ZNF805: variants seen among roughly 807,000 people sequenced by gnomAD.
ZNF805 encodes the protein zinc finger protein 805, also known as CTC-444N24.8.
Under a neutral mutation model 13.6 loss-of-function variants are expected in ZNF805, and 7 were observed. The observed-to-expected ratio is 0.51, with a 90% CI of 0.29 to 0.97. ZNF805 has a LOEUF of 0.97. Among genes scored for constraint, ZNF805 ranks in the 50% least tolerant of loss-of-function variants. ZNF805 has a pLI of 0.08. For missense variants in ZNF805, 604 were observed against 771.0 expected (o/e 0.78, Z 2.57); for synonymous variants, 293 against 279.8 (o/e 1.05, Z -0.47).
rs552040449 is a variant in ZNF805 at position 57,260,436 on chromosome 19, C to G, written c.*5733C>G. ...CCCAGATACTACTAAATGGCTTCCA[C>G]CACCGTTGCCTGACTTAAGCACGTC... On this transcript the variant is annotated 3_prime_UTR_variant, in exon 4 of 4. Coordinates refer to ENST00000414468, the MANE Select transcript of ZNF805 (RefSeq NM_001023563.4). Among the ~76,000 whole-genome samples, 1 of 152,286 alleles carries G rather than the reference C, an allele frequency of 6.6e-6. No individual in the cohort carries two copies. Among genetic ancestry groups the G allele is most frequent in the African/African-American group, 2.4e-5 (1 of 41,548 alleles).
At chr19:57,245,594 AC>A (rs2087610095) in intron 2 of ZNF805, among the ~76,000 whole-genome samples, 2 of 148,240 alleles carry the variant, frequency 1.3e-5, no homozygotes, top group Admixed American at 6.8e-5. Context: ...CCTGGCTAAC[AC>A]GGTGCAACCC....
In ZNF805 at chr19:57,240,884, G is replaced by A; in HGVS notation, c.-8G>A. ...GCCCCCGCCCCGCTAGGGCCACAGG[G>A]TCCCGGTATGGCGATGGCTTTGACG... On this transcript the variant is annotated 5_prime_UTR_variant, in exon 1 of 4. Coordinates refer to ENST00000414468, the MANE Select transcript of ZNF805 (RefSeq NM_001023563.4). The A allele has an allele frequency of 6.4e-7, 1 of 1,553,162 alleles. No homozygotes were observed. The highest frequency in any genetic ancestry group is 8.7e-7 in the Non-Finnish European group (1 of 1,148,114).
intron 2 of ZNF805, among the ~76,000 whole-genome samples, chr19:57,245,561 C>CTTG (rs549596623): frequency 6.6e-6 from 1 of 150,720 alleles, no homozygotes; most frequent in Non-Finnish European, 1.5e-5. Context: ...GGGCGGATCA[C>CTTG]AAGGTCAGGA....
At position 57,257,909 on chromosome 19, in the gene ZNF805, T is replaced by C. The variant is rs909772076; in HGVS notation, c.*3206T>C. Among the ~76,000 whole-genome samples, 1 of 151,826 alleles carries C rather than the reference T, an allele frequency of 6.6e-6. No homozygotes were observed. Among genetic ancestry groups the C allele is most frequent in the Admixed American group, 6.6e-5 (1 of 15,240 alleles). On this transcript the variant is annotated 3_prime_UTR_variant, in exon 4 of 4. Transcript: ENST00000414468. ...TTTTAGTAGAGATGGAGTTTCACCA[T>C]GTTGGCCAGGCTGGTCTCGAACTCC... is the stretch of plus-strand genomic sequence containing the variant.
rs1337878957 is a variant in ZNF805 at position 57,240,656 on chromosome 19, G to C, written c.-236G>C. 3 of 509,348 alleles carry C rather than the reference G, an allele frequency of 5.9e-6. No individual in the cohort carries two copies. The highest frequency in any genetic ancestry group is 7.0e-6 in the Non-Finnish European group (2 of 285,960). The allele number at this position is 509,348 out of a possible 1,614,324, so 31.6% of individuals were successfully genotyped here. A position where few individuals can be genotyped will look rare whatever the true frequency, so the allele number is the denominator to read the frequency against. On this transcript the variant is annotated 5_prime_UTR_variant, in exon 1 of 4. Coordinates refer to ENST00000414468, the MANE Select transcript of ZNF805 (RefSeq NM_001023563.4). ...CGGTTCCGTCCACGCCGGCTCTAGG[G>C]AGGGGGCGGTGTTCCGTGGCCGCCT...
chr19:57,242,636 T>C (rs2087586495), intron 1 of ZNF805, among the ~76,000 whole-genome samples: 1 of 152,180 alleles, frequency 6.6e-6, no homozygotes. Context: ...TAATGGTTCA[T>C]TATGCAATCT....
At chr19:57,249,701 A>C (rs2087640210) in intron 3 of ZNF805, among the ~76,000 whole-genome samples, 1 of 151,478 alleles carries the variant, frequency 6.6e-6, no homozygotes, top group Non-Finnish European at 1.5e-5. Context: ...CCTGAGTGTC[A>C]ATCAGACACT....
In ZNF805 at chr19:57,261,324, G is replaced by C. The variant is rs987328784; in HGVS notation, c.*6621G>C. ...GAATGTCTGGGTTTGAGGATATGTGGGAGGGGTGGGGAGAAGGAGTAGAGA... is the reference window on the plus strand; with the variant it reads ...GAATGTCTGGGTTTGAGGATATGTGCGAGGGGTGGGGAGAAGGAGTAGAGA... On this transcript the variant is annotated 3_prime_UTR_variant, in exon 4 of 4. Coordinates refer to ENST00000414468, the MANE Select transcript of ZNF805 (RefSeq NM_001023563.4). 1 of 167,062 alleles carries C rather than the reference G, an allele frequency of 6.0e-6. No individual in the cohort carries two copies. The highest frequency in any genetic ancestry group is 2.4e-5 in the African/African-American group (1 of 41,426). The allele number at this position is 167,062 out of a possible 1,614,324, so 10.3% of individuals were successfully genotyped here.
At position 57,240,672 on chromosome 19, in the gene ZNF805, G is replaced by A. The variant is rs1568486642; in HGVS notation, c.-220G>A. The A allele has an allele frequency of 1.9e-6, 1 of 518,076 alleles. No individual in the cohort carries two copies. The highest frequency in any genetic ancestry group is 3.3e-5 in the East Asian group (1 of 30,418). The allele number at this position is 518,076 out of a possible 1,614,324, so 32.1% of individuals were successfully genotyped here. A position where few individuals can be genotyped will look rare whatever the true frequency, so the allele number is the denominator to read the frequency against. Reference sequence around the variant, plus strand: ...GGCTCTAGGGAGGGGGCGGTGTTCCGTGGCCGCCTCCCTGGCGGCGCTGGG... The same window carrying A: ...GGCTCTAGGGAGGGGGCGGTGTTCCATGGCCGCCTCCCTGGCGGCGCTGGG... On this transcript the variant is annotated 5_prime_UTR_variant, in exon 1 of 4. It adds an upstream start codon to the 5' untranslated region. Coordinates refer to ENST00000414468, the MANE Select transcript of ZNF805 (RefSeq NM_001023563.4).
intron 2 of ZNF805, among the ~76,000 whole-genome samples, chr19:57,246,300 A>C (rs933071177): frequency 6.6e-6 from 1 of 152,098 alleles, no homozygotes; most frequent in African/African-American, 2.4e-5. Context: ...CAGCCTCCTG[A>C]GTAGCTAGGA....
Position 57,240,793 on chromosome 19 carries a change from A to C in ZNF805, c.-99A>C, listed in dbSNP as rs1461586768. 8.3e-7 allele frequency: 1 copy of C among 1,210,206 alleles called. No homozygotes were observed. The highest frequency in any genetic ancestry group is 2.8e-5 in the East Asian group (1 of 35,600). 75.0% of individuals were successfully genotyped at this position (1,210,206 alleles called of 1,614,324 possible). On this transcript the variant is annotated 5_prime_UTR_variant, in exon 1 of 4. Transcript: ENST00000414468. ...GAGAGTTTGACTGTCAGCCAAGGTC[A>C]CCGGGCCCGGCGCAGGGAAGGGGTG...
At chr19:57,250,396 C>T (rs1481290811) in intron 3 of ZNF805, among the ~76,000 whole-genome samples, 1 of 152,108 alleles carries the variant, frequency 6.6e-6, no homozygotes, top group African/African-American at 2.4e-5. Context: ...CCACATCCGG[C>T]TAATTTTGTA....
rs531269051 is a variant in ZNF805, at chr19:57,253,968, C to T, written c.1149C>T (p.Ser383=). The T allele has an allele frequency of 1.9e-5, 31 of 1,612,896 alleles. No individual in the cohort carries two copies. The highest frequency in any genetic ancestry group is 1.3e-4 in the South Asian group (12 of 91,018). ...AATGTGGGAAGGCCTTCTGTGAGAGCGCAGCGCTGATTCACCACTATGTCA... is the reference window on the plus strand; with the variant it reads ...AATGTGGGAAGGCCTTCTGTGAGAGTGCAGCGCTGATTCACCACTATGTCA... ...CSECGKAFCE[S]AALIHHYVIH... Residue 383 remains serine (S), a synonymous_variant, in exon 4 of 4, where the codon AGC becomes AGT. Transcript: ENST00000414468. The surrounding 1 kb of genome is among the most constrained non-coding windows in gnomAD (Gnocchi z 4.4).
intron 3 of ZNF805, among the ~76,000 whole-genome samples, chr19:57,252,301 C>T (rs1568489521): frequency 6.6e-6 from 1 of 152,176 alleles, no homozygotes; most frequent in African/African-American, 2.4e-5. Flanking sequence ...CAAGTCTACC[C>T]AAATCCTCTT....
Position 57,260,117 on chromosome 19 carries a change from G to A in ZNF805, c.*5414G>A, listed in dbSNP as rs2087715121. 6.6e-6 allele frequency among the ~76,000 whole-genome samples: 1 copy of A among 152,130 alleles called. No homozygotes were observed. Among genetic ancestry groups the A allele is most frequent in the South Asian group, 2.1e-4 (1 of 4,822 alleles). On this transcript the variant is annotated 3_prime_UTR_variant, in exon 4 of 4. Coordinates refer to ENST00000414468, the MANE Select transcript of ZNF805 (RefSeq NM_001023563.4). ...CCTTGTTATATCCTCAATGGAGAAG[G>A]GGTCATTCCTTTTCTAAGATCACTC...
chr19:57,251,647 G>A (rs1405248728), intron 3 of ZNF805, among the ~76,000 whole-genome samples: 1 of 150,080 alleles, frequency 6.7e-6, no homozygotes, highest in Non-Finnish European at 1.5e-5. Context: ...TTTTTTTTAC[G>A]TGATTAATGA....
In ZNF805 at chr19:57,255,180, T is replaced by TA. The variant is rs1185899202; in HGVS notation, c.*484dup. 1.2e-5 allele frequency: 2 copies of TA among 167,586 alleles called. No individual in the cohort carries two copies. Among genetic ancestry groups the TA allele is most frequent in the East Asian group, 3.8e-4 (2 of 5,206 alleles). The allele number at this position is 167,586 out of a possible 1,614,324, so 10.4% of individuals were successfully genotyped here. On this transcript the variant is annotated 3_prime_UTR_variant, in exon 4 of 4. Coordinates refer to ENST00000414468, the MANE Select transcript of ZNF805 (RefSeq NM_001023563.4). ...AATACTGTTTAGGTCTTTGATTTTT[T>TA]AAAAAAATTCTTTTTTAATGGGTTT...
rs1014865228 is a variant in ZNF805, at chr19:57,253,284, C to T, written c.465C>T (p.Ser155=). 2 of 1,567,070 alleles carry T rather than the reference C, an allele frequency of 1.3e-6. No homozygotes were observed. The highest frequency in any genetic ancestry group is 1.7e-6 in the Non-Finnish European group (2 of 1,155,334). The change falls in exon 4 of 4, where the codon AGC becomes AGT. Residue 155 remains serine (S), a synonymous_variant. Coordinates refer to ENST00000414468, the MANE Select transcript of ZNF805 (RefSeq NM_001023563.4). The surrounding 1 kb of genome is among the most constrained non-coding windows in gnomAD (Gnocchi z 4.4). The part of the protein sequence containing the change: ...SQKEKLPGKM[S]PKHDGLGTAD... The stretch of plus-strand genomic sequence containing the variant: ...AGGAGAAGCTTCCTGGAAAAATGAG[C>T]CCCAAACATGATGGTTTAGGGACAG...
chr19:57,254,696 C>T lies in ZNF805; in HGVS notation c.1877C>T (p.Ser626Leu). 6.2e-7 allele frequency: 1 copy of T among 1,603,624 alleles called. No homozygotes were observed. Among genetic ancestry groups the T allele is most frequent in the Non-Finnish European group, 8.5e-7 (1 of 1,175,342 alleles). Residue 626 changes from serine to leucine, a missense_variant, in exon 4 of 4, where the codon TCA (serine) becomes TTA (leucine). By Grantham distance (145) the Ser-to-Leu change is moderately radical. Around this residue, in one of 3 missense-constraint regions of ZNF805, gnomAD observed 49 missense variants for 40.0 expected, o/e 1.23. Transcript: ENST00000414468. ...TYQRETPQVSSL is the reference protein window; with the variant it reads ...TYQRETPQVSLL ...CAAAGAGAAACCCCACAAGTGTCTT[C>T]ACTGTGAGAAAACCTTCTGTTGCCA...
Sources: allele counts gnomAD v4.1 joint callset (sites outside exome capture counted in the v4.1 genomes callset), GRCh38; gene constraint gnomAD v4.1.1; regional missense constraint gnomAD v4.1.1; non-coding constraint Gnocchi (gnomAD v3.1); transcripts MANE v1.5; gene names NCBI Gene and HGNC (gene_info 2026-07-23, HGNC 2026-07-21).